The following TMEM179 variants were observed in gnomAD, a reference collection of about 807,000 sequenced individuals.
TMEM179 encodes transmembrane protein 179A.
In TMEM179, 17 loss-of-function variants were observed where a neutral mutation model predicts 22.2. The observed-to-expected ratio is 0.77, with a 90% CI of 0.52 to 1.15. The LOEUF (loss-of-function observed/expected upper bound fraction) is 1.15, where lower values mean the gene tolerates loss of function less well. TMEM179 is among the 50% of genes most tolerant of loss of function. TMEM179 has a pLI of 0.00. For synonymous variants in TMEM179, 127 were observed against 140.5 expected (o/e 0.90, Z 0.68); for missense variants, 265 against 313.6 (o/e 0.84, Z 1.17).
intron 1 of TMEM179, among the ~76,000 whole-genome samples, chr14:104,599,208 G>T (rs1000503109): frequency 6.6e-6 from 1 of 151,968 alleles, no homozygotes; most frequent in African/African-American, 2.4e-5. Flanking sequence ...AGTGTCTCCC[G>T]CCTGCTCTTC....
At chr14:104,594,236 C>T (rs1259043483) in intron 3 of TMEM179, 166 of 1,231,718 alleles carry the variant, frequency 1.3e-4, no homozygotes, top group Non-Finnish European at 1.7e-4. Context: ...ACTAAATTTG[C>T]ATGAAGGTGT....
At chr14:104,603,256 C>T (rs1210169808) in intron 1 of TMEM179, among the ~76,000 whole-genome samples, 2 of 152,180 alleles carry the variant, frequency 1.3e-5, no homozygotes, top group Non-Finnish European at 2.9e-5. Flanking sequence ...CAAAACCAAG[C>T]GGTGGGCTCA....
At chr14:104,593,730 C>T (rs867673825) in intron 3 of TMEM179, 72 bp from the exon 4 acceptor site, 36 of 1,414,056 alleles carry the variant, frequency 2.5e-5, no homozygotes, top group Non-Finnish European at 3.2e-5. Context: ...TCCCACCAGC[C>T]CCCAGGCTCT....
At chr14:104,596,546 G>A (rs906940881) in intron 2 of TMEM179, among the ~76,000 whole-genome samples, 1 of 152,166 alleles carries the variant, frequency 6.6e-6, no homozygotes, top group African/African-American at 2.4e-5. Context: ...AAAGCCCTGA[G>A]CCTAATGCTC....
chr14:104,597,225 T>C lies in TMEM179; in HGVS notation c.306-98A>G. 2.0e-6 allele frequency: 3 copies of C among 1,465,678 alleles called. No homozygotes were observed. Among genetic ancestry groups the C allele is most frequent in the Non-Finnish European group, 1.8e-6 (2 of 1,103,964 alleles). The allele number at this position is 1,465,678 out of a possible 1,614,324, so 90.8% of individuals were successfully genotyped here. A position where few individuals can be genotyped will look rare whatever the true frequency, so the allele number is the denominator to read the frequency against. ...CCAGAAACAGGAGGGGCAGGCTCACTGGACGCCATCTCCTGGGCAACCCCC... is the reference window on the plus strand; with the variant it reads ...CCAGAAACAGGAGGGGCAGGCTCACCGGACGCCATCTCCTGGGCAACCCCC... On this transcript the variant is annotated intron_variant, in intron 1 of 3. Transcript: ENST00000556573. The surrounding 1 kb of genome is among the most constrained non-coding windows in gnomAD (Gnocchi z 4.8).
chr14:104,601,141 G>A (rs1220004743), intron 1 of TMEM179, among the ~76,000 whole-genome samples: 1 of 152,194 alleles, frequency 6.6e-6, no homozygotes, highest in Non-Finnish European at 1.5e-5. Context: ...CTATGCAGCT[G>A]GACCAACAAT....
rs941107766 is a variant in TMEM179, at chr14:104,597,819, G to A, written c.306-692C>T. Among the ~76,000 whole-genome samples, 4 of 152,200 alleles carry A rather than the reference G, an allele frequency of 2.6e-5. No homozygotes were observed. The highest frequency in any genetic ancestry group is 2.9e-5 in the Non-Finnish European group (2 of 68,020). On this transcript the variant is annotated intron_variant, in intron 1 of 3. Coordinates refer to ENST00000556573, the MANE Select transcript of TMEM179 (RefSeq NM_001286389.2). This position sits in a 1 kb window ranked among gnomAD's most constrained non-coding sequence, Gnocchi z 4.8. The stretch of plus-strand genomic sequence containing the variant: ...CCATTCACCCGCAGGTCATCAGCGC[G>A]TGGCCTGGACCCCTGGTAGGACTTG...
rs1391511613 is a variant in TMEM179 at position 104,597,771 on chromosome 14, C to A, written c.306-644G>T. On this transcript the variant is annotated intron_variant, in intron 1 of 3. Coordinates refer to ENST00000556573, the MANE Select transcript of TMEM179 (RefSeq NM_001286389.2). The surrounding 1 kb of genome is among the most constrained non-coding windows in gnomAD (Gnocchi z 4.8). ...GTAAATGCCTGTTGTTTACAAGACC[C>A]CAGCCTGTGATGCCGAGAGCTTCCA... is the stretch of plus-strand genomic sequence containing the variant. Among the ~76,000 whole-genome samples the A allele has an allele frequency of 6.6e-6, 1 of 152,222 alleles. No homozygotes were observed. The highest frequency in any genetic ancestry group is 1.5e-5 in the Non-Finnish European group (1 of 68,034).
intron 1 of TMEM179, among the ~76,000 whole-genome samples, chr14:104,598,415 G>GCGATCATTTA (rs1467061805): frequency 6.6e-6 from 1 of 152,240 alleles, no homozygotes; most frequent in African/African-American, 2.4e-5. Flanking sequence ...CAGCTTCACA[G>GCGATCATTTA]CGATCATTTA....
At chr14:104,600,162 C>T (rs1887188520) in intron 1 of TMEM179, among the ~76,000 whole-genome samples, 1 of 152,200 alleles carries the variant, frequency 6.6e-6, no homozygotes, top group Non-Finnish European at 1.5e-5. Flanking sequence ...CTGTCCAGGT[C>T]GTTGAAGAAT....
rs1257999873 is a variant in TMEM179 at position 104,595,259 on chromosome 14, A to G, written c.444-16T>C. ...CTCTTCACAGCTAAAACAGCAGGAC[A>G]TAGGGTGGAGGGTGACCACCAGGAC... On this transcript the variant is annotated splice_polypyrimidine_tract_variant and intron_variant, in intron 2 of 3. Coordinates refer to ENST00000556573, the MANE Select transcript of TMEM179 (RefSeq NM_001286389.2). This position sits in a 1 kb window ranked among gnomAD's most constrained non-coding sequence, Gnocchi z 5.7. The G allele has an allele frequency of 6.2e-7, 1 of 1,610,892 alleles. No homozygotes were observed. The highest frequency in any genetic ancestry group is 2.2e-5 in the East Asian group (1 of 44,806).
At position 104,592,646 on chromosome 14, in the gene TMEM179, TCA is replaced by T. The variant is rs1886886550; in HGVS notation, c.*831_*832del. ...GTCACACCCACACATGCACACTCAG[TCA>T]CATCCTCTCATGCACTCATATACAC... On this transcript the variant is annotated 3_prime_UTR_variant, in exon 4 of 4. Transcript: ENST00000556573. The T allele has an allele frequency of 6.5e-6, 1 of 154,480 alleles. No individual in the cohort carries two copies. Among genetic ancestry groups the T allele is most frequent in the African/African-American group, 2.4e-5 (1 of 41,302 alleles). 9.6% of individuals were successfully genotyped at this position (154,480 alleles called of 1,614,324 possible). A position where few individuals can be genotyped will look rare whatever the true frequency, so the allele number is the denominator to read the frequency against.
Position 104,595,372 on chromosome 14 carries a change from G to A in TMEM179, c.444-129C>T. On this transcript the variant is annotated intron_variant, in intron 2 of 3. Coordinates refer to ENST00000556573, the MANE Select transcript of TMEM179 (RefSeq NM_001286389.2). The surrounding 1 kb of genome is among the most constrained non-coding windows in gnomAD (Gnocchi z 5.7). ...TGGGCGAGGGGGTGGGCAGCAGGGA[G>A]TCTCTGGGGACATCACGGAGGGTTA... The A allele has an allele frequency of 1.2e-6, 1 of 862,106 alleles. No individual in the cohort carries two copies. The highest frequency in any genetic ancestry group is 1.8e-6 in the Non-Finnish European group (1 of 558,466). The allele number at this position is 862,106 out of a possible 1,614,324, so 53.4% of individuals were successfully genotyped here.
At chr14:104,601,975 CACAGCTGGCCTGCA>C (rs1218457355) in intron 1 of TMEM179, among the ~76,000 whole-genome samples, 1 of 152,188 alleles carries the variant, frequency 6.6e-6, no homozygotes, top group East Asian at 1.9e-4. Context: ...GCAGAGGCCA[CACAGCTGGCCTGCA>C]TCCCAGCCGG....
intron 1 of TMEM179, among the ~76,000 whole-genome samples, chr14:104,598,622 G>A (rs137991002): frequency 1.2e-3 from 185 of 152,366 alleles, no homozygotes; most frequent in African/African-American, 4.2e-3. Context: ...TCCTGGCCCC[G>A]GGAGGTGCCC....
At chr14:104,603,064 G>T (rs118071139) in intron 1 of TMEM179, among the ~76,000 whole-genome samples, 1 of 152,184 alleles carries the variant, frequency 6.6e-6, no homozygotes, top group African/African-American at 2.4e-5. Flanking sequence ...AGAGGGTGGT[G>T]GGACAAGTGG....
rs145527478 is a variant in TMEM179 at position 104,593,464 on chromosome 14, C to T, written c.*15G>A. The T allele has an allele frequency of 3.8e-3, 5,839 of 1,535,998 alleles. 102 individuals are homozygous for T. In the East Asian group the frequency reaches 0.057, roughly 15 times the overall value. ...GCAGGGAGGTCGGGGCCAGCTCCCCCTGCCTGCACTGTGCCTAAATGACAG... is the reference window on the plus strand; with the variant it reads ...GCAGGGAGGTCGGGGCCAGCTCCCCTTGCCTGCACTGTGCCTAAATGACAG... On this transcript the variant is annotated 3_prime_UTR_variant, in exon 4 of 4. Coordinates refer to ENST00000556573, the MANE Select transcript of TMEM179 (RefSeq NM_001286389.2).
chr14:104,601,399 A>C (rs1158273494), intron 1 of TMEM179, among the ~76,000 whole-genome samples: 1 of 152,164 alleles, frequency 6.6e-6, no homozygotes, highest in African/African-American at 2.4e-5. Flanking sequence ...AGCCCTAAGG[A>C]CACAGAGATG....
chr14:104,596,606 G>A (rs952194498), intron 2 of TMEM179, among the ~76,000 whole-genome samples: 8 of 152,296 alleles, frequency 5.3e-5, no homozygotes, highest in African/African-American at 7.2e-5. Flanking sequence ...CACAGTCTCC[G>A]GCTGTGTGGC....
Sources: allele counts gnomAD v4.1 joint callset (sites outside exome capture counted in the v4.1 genomes callset), GRCh38; gene constraint gnomAD v4.1.1; non-coding constraint Gnocchi (gnomAD v3.1); transcripts MANE v1.5; gene names NCBI Gene and HGNC (gene_info 2026-07-23, HGNC 2026-07-21).